Variants in IL34 observed in about 807,000 individuals in gnomAD.
IL34 encodes the protein interleukin-34.
Under a neutral mutation model 25.3 loss-of-function variants are expected in IL34, and 17 were observed. The ratio of observed to expected loss-of-function variants is 0.67; its 90% confidence interval spans 0.46 to 1.01. The LOEUF (loss-of-function observed/expected upper bound fraction) is 1.01, where lower values mean the gene tolerates loss of function less well. IL34 is among the 50% of genes least tolerant of loss of function. The pLI is 0.00. For missense variants in IL34, 368 were observed against 312.9 expected (o/e 1.18, Z -1.33); for synonymous variants, 174 against 140.9 (o/e 1.23, Z -1.66).
At chr16:70,605,969 GTTTTTTT>G (rs77101515) in intron 1 of IL34, among the ~76,000 whole-genome samples, 2 of 123,210 alleles carry the variant, frequency 1.6e-5, no homozygotes, top group African/African-American at 6.2e-5. Context: ...ACCGCACCTG[GTTTTTTT>G]TTTTTTTTTT....
At chr16:70,631,244 G>C (rs892084320) in intron 1 of IL34, among the ~76,000 whole-genome samples, 2 of 152,232 alleles carry the variant, frequency 1.3e-5, no homozygotes, top group South Asian at 4.1e-4. Flanking sequence ...AGCTACTGTG[G>C]ACTGTTGTGG....
intron 1 of IL34, among the ~76,000 whole-genome samples, chr16:70,630,384 A>G (rs756622065): frequency 4.6e-4 from 70 of 152,094 alleles, no homozygotes; most frequent in Non-Finnish European, 8.4e-4. Context: ...GGTGTGCACC[A>G]CCATGCCTGG....
chr16:70,627,990 G>A (rs986327005), intron 1 of IL34, among the ~76,000 whole-genome samples: 3 of 152,140 alleles, frequency 2.0e-5, no homozygotes, highest in Non-Finnish European at 2.9e-5. Flanking sequence ...ATATGCACAC[G>A]TTCAATTTCA....
Position 70,660,004 on chromosome 16 carries a change from A to G in IL34, c.546A>G (p.Gln182=). The part of the protein sequence containing the change: ...MELLYCSCCK[Q]SSVLNWQDCE... ...TTCCCCTATCTCTTGCAGGTAAACA[A>G]AGCTCCGTCCTAAACTGGCAGGACT... The change falls in exon 6 of 6, where the codon CAA becomes CAG. Residue 182 remains glutamine (Q), a synonymous_variant. Coordinates refer to ENST00000288098, the MANE Select transcript of IL34 (RefSeq NM_001393494.1). The G allele has an allele frequency of 6.3e-7, 1 of 1,584,092 alleles. No individual in the cohort carries two copies. Among genetic ancestry groups the G allele is most frequent in the Non-Finnish European group, 8.5e-7 (1 of 1,169,842 alleles).
At chr16:70,633,722 T>C (rs1450983571) in intron 1 of IL34, among the ~76,000 whole-genome samples, 1 of 152,176 alleles carries the variant, frequency 6.6e-6, no homozygotes, top group East Asian at 1.9e-4. Context: ...AAGCCCATGA[T>C]CTCTGTGAAG....
In IL34 at chr16:70,627,931, C is replaced by G. The variant is rs566826880; in HGVS notation, c.-400-18617C>G. Among the ~76,000 whole-genome samples the G allele has an allele frequency of 2.6e-5, 4 of 152,302 alleles. No homozygotes were observed. The South Asian group carries it at 8.3e-4, about 32-fold the overall frequency. On this transcript the variant is annotated intron_variant, in intron 1 of 6. Transcript: ENST00000429149. ...ACATGGCTTTTGGTGCCCATGTATA[C>G]AGATTTCTGTTGGATATTTACTTAC... is the stretch of plus-strand genomic sequence containing the variant.
intron 1 of IL34, among the ~76,000 whole-genome samples, chr16:70,641,445 C>T (rs975230309): frequency 1.3e-5 from 2 of 152,100 alleles, no homozygotes; most frequent in Non-Finnish European, 2.9e-5. Context: ...CTCAATAAGC[C>T]TGACTTTAAA....
chr16:70,658,839 C>T (rs2052304059), intron 4 of IL34, among the ~76,000 whole-genome samples: 1 of 152,214 alleles, frequency 6.6e-6, no homozygotes. Context: ...GGACATCAGG[C>T]ATTGGATTTA....
At chr16:70,584,947 C>T (rs1187094954) in intron 1 of IL34, among the ~76,000 whole-genome samples, 5 of 152,126 alleles carry the variant, frequency 3.3e-5, no homozygotes, top group East Asian at 1.9e-4. Flanking sequence ...GCAATCTGCC[C>T]GCTTTGGTGT....
At chr16:70,620,121 T>G (rs1240920670) in intron 1 of IL34, among the ~76,000 whole-genome samples, 1 of 152,080 alleles carries the variant, frequency 6.6e-6, no homozygotes, top group African/African-American at 2.4e-5. Flanking sequence ...GGGCTGGAAT[T>G]TAATTTTTGG....
intron 1 of IL34, among the ~76,000 whole-genome samples, chr16:70,621,855 C>T (rs2051290300): frequency 6.6e-6 from 1 of 151,682 alleles, no homozygotes; most frequent in Non-Finnish European, 1.5e-5. Context: ...CAGGATGAGC[C>T]AGGAGAAGGA....
chr16:70,580,445 G>C (rs2050624408), intron 1 of IL34, among the ~76,000 whole-genome samples: 1 of 152,192 alleles, frequency 6.6e-6, no homozygotes, highest in Non-Finnish European at 1.5e-5. Context: ...TTAATGTACT[G>C]TGTGTGTGGA....
intron 1 of IL34, among the ~76,000 whole-genome samples, chr16:70,599,118 T>C (rs2050867537): frequency 6.6e-6 from 1 of 152,220 alleles, no homozygotes; most frequent in African/African-American, 2.4e-5. Flanking sequence ...AAGTGCTCTA[T>C]CCTGTTTTGT....
chr16:70,645,439 G>A (rs552718661), upstream of IL34, among the ~76,000 whole-genome samples: 68 of 152,284 alleles, frequency 4.5e-4, no homozygotes, highest in African/African-American at 1.5e-3. Context: ...CCAGAGGGGA[G>A]ACAGGGAGGA....
intron 1 of IL34, among the ~76,000 whole-genome samples, chr16:70,606,582 T>C (rs1282239747): frequency 6.6e-6 from 1 of 151,860 alleles, no homozygotes; most frequent in Non-Finnish European, 1.5e-5. Context: ...TTAGATTCGT[T>C]TGGATTTTCT....
intron 1 of IL34, among the ~76,000 whole-genome samples, chr16:70,626,260 T>C (rs1161555166): frequency 6.6e-6 from 1 of 152,208 alleles, no homozygotes; most frequent in Admixed American, 6.5e-5. Flanking sequence ...ATTTTATTAA[T>C]TTTTTGTTTT....
At chr16:70,658,273 C>T (rs1232837079) in intron 4 of IL34, among the ~76,000 whole-genome samples, 1 of 152,188 alleles carries the variant, frequency 6.6e-6, no homozygotes, top group Non-Finnish European at 1.5e-5. Context: ...GCTGTCAATT[C>T]CTACAAAGTC....
intron 1 of IL34, among the ~76,000 whole-genome samples, chr16:70,633,846 T>C (rs188264329): frequency 0.014 from 2,143 of 151,966 alleles, 23 homozygotes; most frequent in Non-Finnish European, 0.02. Context: ...GTCTTCTCCC[T>C]GAGTCTCTCT....
intron 1 of IL34, among the ~76,000 whole-genome samples, chr16:70,597,323 C>T (rs1412396423): frequency 1.3e-5 from 2 of 151,824 alleles, no homozygotes; most frequent in African/African-American, 4.8e-5. Context: ...TGGGCTTAAG[C>T]GATACTCCTG....
Sources: gnomAD v4.1 joint callset for allele counts (sites outside exome capture counted in the v4.1 genomes callset) on GRCh38, gnomAD v4.1.1 for gene constraint, MANE v1.5 for transcripts, NCBI Gene and HGNC (gene_info 2026-07-23, HGNC 2026-07-21) for gene names.